MEF2A: variants seen among roughly 807,000 people sequenced by gnomAD.
MEF2A encodes myocyte enhancer factor 2A.
MEF2A carries 28 observed loss-of-function variants against 55.8 expected under a neutral mutation model. The observed-to-expected ratio is 0.50, with a 90% CI of 0.37 to 0.69. MEF2A has a LOEUF of 0.69. Among genes scored for constraint, MEF2A ranks in the 30% least tolerant of loss-of-function variants. The probability of loss-of-function intolerance (pLI) is 0.00; values close to 1 mark genes in which losing one functional copy is unlikely to be tolerated. For missense variants in MEF2A, 528 were observed against 626.2 expected, an observed-to-expected ratio of 0.84 and a Z score of 1.67; for synonymous variants, 239 against 227.1, an observed-to-expected ratio of 1.05 and a Z score of -0.47.
intron 7 of MEF2A, among the ~76,000 whole-genome samples, chr15:99,685,689 T>C (rs1254156094): frequency 2.0e-5 from 3 of 152,214 alleles, no homozygotes; most frequent in Non-Finnish European, 4.4e-5. Context: ...GTATTATCTT[T>C]TGATATGCTG....
chr15:99,592,767 A>G (rs576952729), intron 1 of MEF2A, among the ~76,000 whole-genome samples: 1 of 152,206 alleles, frequency 6.6e-6, no homozygotes, highest in South Asian at 2.1e-4. Flanking sequence ...CTCACTACCA[A>G]GAGGAGGGCA....
At chr15:99,600,294 C>T (rs570464629) in intron 2 of MEF2A, among the ~76,000 whole-genome samples, 2 of 152,234 alleles carry the variant, frequency 1.3e-5, no homozygotes, top group Non-Finnish European at 2.9e-5. Flanking sequence ...GTGTCTTATC[C>T]TTCATGACGG....
intron 4 of MEF2A, among the ~76,000 whole-genome samples, chr15:99,658,819 A>G (rs2048170038): frequency 6.6e-6 from 1 of 152,162 alleles, no homozygotes. Flanking sequence ...CGACAGGGAA[A>G]GCATAACACC....
intron 10 of MEF2A, 91 bp from the exon 11 acceptor site, chr15:99,710,543 T>C: frequency 1.3e-6 from 2 of 1,517,572 alleles, no homozygotes; most frequent in Non-Finnish European, 1.8e-6. Flanking sequence ...ATGGCTGGCC[T>C]CAATGTAGGA....
At chr15:99,695,541 TTGTGTGTGTGTG>T (rs3979129) in intron 8 of MEF2A, among the ~76,000 whole-genome samples, 4 of 144,778 alleles carry the variant, frequency 2.8e-5, no homozygotes, top group African/African-American at 1.0e-4. Context: ...ATTGTCAGAT[TTGTGTGTGTGTG>T]TGTGTGTGTG....
At chr15:99,677,433 T>C (rs1301059257) in intron 7 of MEF2A, among the ~76,000 whole-genome samples, 1 of 151,982 alleles carries the variant, frequency 6.6e-6, no homozygotes, top group African/African-American at 2.4e-5. Context: ...CCCCGTAATG[T>C]TAAGAACTTA....
At chr15:99,575,230 G>T (rs1963900612) in intron 1 of MEF2A, among the ~76,000 whole-genome samples, 1 of 152,104 alleles carries the variant, frequency 6.6e-6, no homozygotes, top group Non-Finnish European at 1.5e-5. Flanking sequence ...TACAGTTCAT[G>T]TTGAAATTTT....
intron 4 of MEF2A, among the ~76,000 whole-genome samples, chr15:99,650,134 G>T (rs950266684): frequency 6.6e-6 from 1 of 151,968 alleles, no homozygotes; most frequent in Non-Finnish European, 1.5e-5. Context: ...AATTCTTCTC[G>T]CAGTATCTCA....
intron 1 of MEF2A, among the ~76,000 whole-genome samples, chr15:99,584,538 A>T (rs981880730): frequency 6.6e-6 from 1 of 151,522 alleles, no homozygotes; most frequent in Non-Finnish European, 1.5e-5. Context: ...TGCAACAGGG[A>T]TGAATCTTGA....
intron 1 of MEF2A, among the ~76,000 whole-genome samples, chr15:99,585,254 T>C (rs1966862444): frequency 6.6e-6 from 1 of 152,224 alleles, no homozygotes. Flanking sequence ...CTGTCTATCC[T>C]ACACCCTCCT....
intron 2 of MEF2A, among the ~76,000 whole-genome samples, chr15:99,606,545 C>A (rs187676751): frequency 6.6e-6 from 1 of 151,782 alleles, no homozygotes; most frequent in Non-Finnish European, 1.5e-5. Context: ...GTGACAGAGA[C>A]AATCCAATAG....
chr15:99,573,396 T>C (rs1963204303), intron 1 of MEF2A, among the ~76,000 whole-genome samples: 2 of 152,096 alleles, frequency 1.3e-5, no homozygotes, highest in African/African-American at 4.8e-5. Context: ...TTCCAAATTA[T>C]AATCTTACTT....
rs143189592 is a variant in MEF2A at position 99,693,931 on chromosome 15, C to T, written c.858+3503C>T. On this transcript the variant is annotated intron_variant, in intron 8 of 11. Coordinates refer to ENST00000557942, the MANE Select transcript of MEF2A (RefSeq NM_001319206.4). ...AAACATAGTACAGGAAGTTTTCATACACCCCACACATCATTTTTTCTATTA... is the reference window on the plus strand; with the variant it reads ...AAACATAGTACAGGAAGTTTTCATATACCCCACACATCATTTTTTCTATTA... Among the ~76,000 whole-genome samples the T allele has an allele frequency of 3.1e-3, 470 of 152,308 alleles. 3 individuals are homozygous for T. Among genetic ancestry groups the T allele is most frequent in the African/African-American group, 0.011 (440 of 41,562 alleles).
At chr15:99,619,139 G>A (rs2040712685) in intron 2 of MEF2A, among the ~76,000 whole-genome samples, 1 of 152,170 alleles carries the variant, frequency 6.6e-6, no homozygotes, top group African/African-American at 2.4e-5. Context: ...AGGGTTTATA[G>A]TCAACGCTCC....
At chr15:99,571,783 A>G (rs1962424325) in intron 1 of MEF2A, among the ~76,000 whole-genome samples, 2 of 152,106 alleles carry the variant, frequency 1.3e-5, no homozygotes, top group Admixed American at 6.5e-5. Flanking sequence ...CCCCATATCC[A>G]TAAATGGCAG....
At chr15:99,662,741 G>A (rs760592253) in intron 4 of MEF2A, among the ~76,000 whole-genome samples, 50 of 152,170 alleles carry the variant, frequency 3.3e-4, no homozygotes, top group Non-Finnish European at 6.5e-4. Flanking sequence ...GCCTCCCAAA[G>A]TGCTAGGATT....
rs939447902 is a variant in MEF2A at position 99,595,509 on chromosome 15, A to G, written c.-224-2921A>G. 2.6e-5 allele frequency among the ~76,000 whole-genome samples: 4 copies of G among 152,300 alleles called. No individual in the cohort carries two copies. The South Asian group carries it at 6.2e-4, about 24-fold the overall frequency. ...ATAGGGATAGGGATTGATTCCTAGCACCTAGAAAAGTGCCTGGAATATGTT... is the reference window on the plus strand; with the variant it reads ...ATAGGGATAGGGATTGATTCCTAGCGCCTAGAAAAGTGCCTGGAATATGTT... On this transcript the variant is annotated intron_variant, in intron 1 of 11. Coordinates refer to ENST00000557942, the MANE Select transcript of MEF2A (RefSeq NM_001319206.4).
Position 99,674,615 on chromosome 15 carries a change from A to C in MEF2A, c.610+3A>C. ...ACCACCAAGTACTGGCAATGCAGGT[A>C]TGTAGTGATACCTATTATGCTGGTT... On this transcript the variant is annotated splice_donor_region_variant and intron_variant, in intron 6 of 11. Coordinates refer to ENST00000557942, the MANE Select transcript of MEF2A (RefSeq NM_001319206.4). 1.2e-6 allele frequency: 2 copies of C among 1,606,220 alleles called. No homozygotes were observed. Among genetic ancestry groups the C allele is most frequent in the Non-Finnish European group, 1.7e-6 (2 of 1,172,864 alleles).
intron 3 of MEF2A, among the ~76,000 whole-genome samples, chr15:99,639,177 T>C (rs971525256): frequency 6.6e-6 from 1 of 152,156 alleles, no homozygotes; most frequent in African/African-American, 2.4e-5. Context: ...ACATTTGTTA[T>C]ATGTATTTTT....
Sources: gnomAD v4.1 joint callset for allele counts (sites outside exome capture counted in the v4.1 genomes callset) on GRCh38, gnomAD v4.1.1 for gene constraint, MANE v1.5 for transcripts, NCBI Gene and HGNC (gene_info 2026-07-23, HGNC 2026-07-21) for gene names.